Variants in DOK3 observed in about 807,000 individuals in gnomAD.
DOK3 encodes Dok-like protein.
A neutral mutation model predicts 26.2 loss-of-function variants in DOK3; 23 were observed. That is an observed-to-expected ratio of 0.88 (90% CI 0.63 to 1.24). The LOEUF (loss-of-function observed/expected upper bound fraction) is 1.24. Among genes scored for constraint, DOK3 ranks in the 50% most tolerant of loss-of-function variants. The probability of loss-of-function intolerance (pLI) is 0.00; values close to 1 mark genes in which losing one functional copy is unlikely to be tolerated. For missense variants in DOK3, 619 were observed against 610.6 expected (o/e 1.01, Z -0.15); for synonymous variants, 268 against 268.2 (o/e 1.00, Z 0.01).
rs941372060 is a variant in DOK3 at position 177,505,087 on chromosome 5, T to A, written c.396A>T (p.Gly132=). ...AFPGTGEASS[G]STDAQSPKRG... ...TCTTGGGAGACTGGGCATCTGTGGA[T>A]CCTGAGGAGGCCTCCCCTGTCCCCT... The change falls in exon 4 of 6, where the codon GGA becomes GGT. Residue 132 remains glycine (G), a synonymous_variant. Coordinates refer to ENST00000510898, the MANE Select transcript of DOK3 (RefSeq NM_001308236.3). 17 of 1,611,744 alleles carry A rather than the reference T, an allele frequency of 1.1e-5. No homozygotes were observed. The highest frequency in any genetic ancestry group is 1.7e-6 in the Non-Finnish European group (2 of 1,179,152).
chr5:177,504,603 A>C lies in DOK3; in HGVS notation c.703T>G (p.Phe235Val). 6.2e-7 allele frequency: 1 copy of C among 1,610,658 alleles called. No homozygotes were observed. The highest frequency in any genetic ancestry group is 1.7e-5 in the Admixed American group (1 of 59,676). ...AGGTCAGGGGCACAGGGGGTGCTGA[A>C]GGCAAAGAGGCCCTCACCCGAGTGG... ...RCHSGEGLFA[F>V]STPCAPDLCR... The change falls in exon 6 of 6, where the codon TTC becomes GTC. Residue 235 changes from phenylalanine to valine, a missense_variant. By Grantham distance (50) the Phe-to-Val change is conservative. Transcript: ENST00000510898.
rs980622949 is a variant in DOK3 at position 177,503,022 on chromosome 5, T to C, written c.*961A>G. The C allele has an allele frequency of 2.1e-5, 31 of 1,498,666 alleles. No individual in the cohort carries two copies. The highest frequency in any genetic ancestry group is 2.8e-5 in the African/African-American group (2 of 71,850). 92.8% of individuals were successfully genotyped at this position (1,498,666 alleles called of 1,614,324 possible). ...CTTGGACAGGAGAGAGCAAAAATTG[T>C]GTGTCCGTCATGAAAATGAGGTTCA... On this transcript the variant is annotated 3_prime_UTR_variant, in exon 6 of 6. Coordinates refer to ENST00000510898, the MANE Select transcript of DOK3 (RefSeq NM_001308236.3).
chr5:177,505,220 TC>T, intron 3 of DOK3, 110 bp from the exon 4 acceptor site: 1 of 996,108 alleles, frequency 1.0e-6, no homozygotes, highest in Non-Finnish European at 1.5e-6. Flanking sequence ...GGGCCTGGGC[TC>T]CAGTTCCAGC....
In DOK3 at chr5:177,508,279, G is replaced by A. The variant is rs752160007; in HGVS notation, c.330C>T (p.His110=). 9 of 1,563,094 alleles carry A rather than the reference G, an allele frequency of 5.8e-6. No individual in the cohort carries two copies. In the East Asian group the frequency reaches 1.4e-4, roughly 24 times the overall value. Residue 110 remains histidine (H), a synonymous_variant, in exon 3 of 6, where the codon CAC becomes CAT. Coordinates refer to ENST00000510898, the MANE Select transcript of DOK3 (RefSeq NM_001308236.3). ...AGATGGGGCCCATCCAGGCCTGGCG[G>A]TGCTGAGCAGCCAGTAGATGGCTTC... ...TERSHLLAAQ[H]RQAWMGPICQ...
chr5:177,510,835 CTG>C (rs1213464281), upstream of DOK3: 4 of 152,232 alleles, frequency 2.6e-5, no homozygotes, highest in Non-Finnish European at 4.4e-5. Context: ...TGAGCAACCG[CTG>C]TCTCACTGGA....
Position 177,504,430 on chromosome 5 carries a change from C to G in DOK3, c.876G>C (p.Glu292Asp), listed in dbSNP as rs895284935. ...GGTGCATTTTCCTGGACGTGGGTGGCTCAGGTCCTGGTGGCATCTCCCGAA... is the reference window on the plus strand; with the variant it reads ...GGTGCATTTTCCTGGACGTGGGTGGGTCAGGTCCTGGTGGCATCTCCCGAA... ...GELREMPPGP[E>D]PPTSRKMHLA... Residue 292 changes from glutamate (E) to aspartate (D), a missense_variant, in exon 6 of 6, where the codon GAG becomes GAC. Glu to Asp is a conservative substitution (Grantham distance 45, BLOSUM62 2). Transcript: ENST00000510898. 3.2e-6 allele frequency: 5 copies of G among 1,573,952 alleles called. No homozygotes were observed. The highest frequency in any genetic ancestry group is 4.3e-6 in the Non-Finnish European group (5 of 1,160,260).
In DOK3 at chr5:177,509,764, G is replaced by A; in HGVS notation, c.-124C>T. 3 of 1,612,472 alleles carry A rather than the reference G, an allele frequency of 1.9e-6. No homozygotes were observed. Among genetic ancestry groups the A allele is most frequent in the Non-Finnish European group, 2.5e-6 (3 of 1,179,948 alleles). On this transcript the variant is annotated 5_prime_UTR_variant, in exon 1 of 6. Transcript: ENST00000510898. ...CCAAGGTGCCCACACCTACCTGGAGGGAGCCCCCGGCCACCTGAAGGCAGC... is the reference window on the plus strand; with the variant it reads ...CCAAGGTGCCCACACCTACCTGGAGAGAGCCCCCGGCCACCTGAAGGCAGC...
At chr5:177,510,109 A>G (rs1301936585), upstream of DOK3, 7 of 603,846 alleles carry the variant, frequency 1.2e-5, no homozygotes, top group East Asian at 1.9e-4. Context: ...CCACTGCCCC[A>G]CTGGGCCTCC....
In DOK3 at chr5:177,504,261, C is replaced by T. The variant is rs753699273; in HGVS notation, c.1045G>A (p.Glu349Lys). The T allele has an allele frequency of 8.6e-5, 139 of 1,609,968 alleles. 2 individuals carry two copies. The highest frequency in any genetic ancestry group is 4.9e-4 in the Middle Eastern group (3 of 6,074). ...EHLYENLCVL[E>K]ASPTLHGGEP... ...CCACCGTGCAGCGTGGGGCTGGCCTCCAGCACACACAGGTTCTCATAGAGG... is the reference window on the plus strand; with the variant it reads ...CCACCGTGCAGCGTGGGGCTGGCCTTCAGCACACACAGGTTCTCATAGAGG... The change falls in exon 6 of 6, where the codon GAG (glutamate) becomes AAG (lysine). Residue 349 changes from glutamate to lysine, a missense_variant. Physicochemically the swap from Glu to Lys is moderately conservative, Grantham distance 56. Coordinates refer to ENST00000510898, the MANE Select transcript of DOK3 (RefSeq NM_001308236.3).
chr5:177,503,215 C>G lies in DOK3; in HGVS notation c.*768G>C, dbSNP rs1387994843. The G allele has an allele frequency of 3.2e-6, 5 of 1,551,548 alleles. No homozygotes were observed. Among genetic ancestry groups the G allele is most frequent in the East Asian group, 4.9e-5 (2 of 40,924 alleles). ...GAAGTCTTCAGGAAACTTCTCTCCC[C>G]CTGGAATGTCGGCTCCCGGAGAACA... On this transcript the variant is annotated 3_prime_UTR_variant, in exon 6 of 6. Coordinates refer to ENST00000510898, the MANE Select transcript of DOK3 (RefSeq NM_001308236.3).
At chr5:177,505,794 T>C (rs1454232274) in intron 3 of DOK3, among the ~76,000 whole-genome samples, 1 of 151,856 alleles carries the variant, frequency 6.6e-6, no homozygotes, top group Non-Finnish European at 1.5e-5. Flanking sequence ...TGGAGTGCAG[T>C]GGCGCGATCT....
intron 2 of DOK3, 77 bp from the exon 3 acceptor site, chr5:177,508,619 C>T (rs1381009441): frequency 2.9e-5 from 41 of 1,405,320 alleles, no homozygotes; most frequent in African/African-American, 1.2e-4. Context: ...ACAAGCTGCT[C>T]GGCAAACGCT....
At chr5:177,508,105 CATT>C (rs1760449083) in intron 3 of DOK3, 129 bp downstream of exon 3, 4 of 1,170,826 alleles carry the variant, frequency 3.4e-6, no homozygotes, top group South Asian at 1.8e-5. Flanking sequence ...CTCTGAGAGT[CATT>C]ATAGATTTAC....
At chr5:177,510,024 C>A (rs535869980), upstream of DOK3, 2 of 848,340 alleles carry the variant, frequency 2.4e-6, no homozygotes, top group East Asian at 2.7e-5. Flanking sequence ...TCCCTGAAAT[C>A]TCTCTCGTGT....
At chr5:177,509,317 G>A in intron 2 of DOK3, 158 bp downstream of exon 2, 4 of 915,226 alleles carry the variant, frequency 4.4e-6, no homozygotes, top group South Asian at 1.7e-5. Flanking sequence ...GCTGACACCC[G>A]CACTCCATTC....
chr5:177,508,092 G>T, intron 3 of DOK3, 145 bp downstream of exon 3: 1 of 1,070,286 alleles, frequency 9.3e-7, no homozygotes, highest in Non-Finnish European at 1.3e-6. Context: ...GGCACGCACG[G>T]CCCTCTGAGA....
Position 177,504,141 on chromosome 5 carries a change from T to TGGCCG in DOK3, c.1160_1164dup (p.Asn389ArgfsTer37). On this transcript the variant is annotated frameshift_variant, in exon 6 of 6. Transcript: ENST00000510898. LOFTEE classifies it low-confidence loss of function (END_TRUNC). ...TACTGGGCCTCCAGGGTACTGTCGT[T>TGGCCG]GGCCGGGCCGGGCCAGCTCAAGTCC... 1.2e-6 allele frequency: 2 copies of TGGCCG among 1,613,904 alleles called. No individual in the cohort carries two copies. The highest frequency in any genetic ancestry group is 1.1e-5 in the South Asian group (1 of 91,066).
At chr5:177,508,689 G>C in intron 2 of DOK3, 147 bp from the exon 3 acceptor site, 1 of 894,674 alleles carries the variant, frequency 1.1e-6, no homozygotes, top group Non-Finnish European at 1.6e-6. Context: ...AGGAGGCCTT[G>C]GCTATGCTTG....
At position 177,504,737 on chromosome 5, in the gene DOK3, C is replaced by T. The variant is rs1759844387; in HGVS notation, c.645+6G>A. On this transcript the variant is annotated splice_donor_region_variant and intron_variant, in intron 5 of 5. Coordinates refer to ENST00000510898, the MANE Select transcript of DOK3 (RefSeq NM_001308236.3). ...CCCCTCACCCTTTCCCACCCCTGCA[C>T]CTCACCTTGTCGGAGCCGAACTTGC... 6.2e-7 allele frequency: 1 copy of T among 1,613,922 alleles called. No individual in the cohort carries two copies. The highest frequency in any genetic ancestry group is 1.7e-5 in the Admixed American group (1 of 60,000).
Sources: allele counts gnomAD v4.1 joint callset (sites outside exome capture counted in the v4.1 genomes callset), GRCh38; gene constraint gnomAD v4.1.1; transcripts MANE v1.5; gene names NCBI Gene and HGNC (gene_info 2026-07-23, HGNC 2026-07-21).